COL4A4: variants seen among roughly 807,000 people sequenced by gnomAD.
The protein encoded by COL4A4 is collagen alpha-4(IV) chain.
In COL4A4, 105 loss-of-function variants were observed where a neutral mutation model predicts 192.9. The observed-to-expected ratio is 0.54, with a 90% CI of 0.46 to 0.64. The LOEUF is 0.64. Among genes scored for constraint, COL4A4 ranks in the 30% least tolerant of loss-of-function variants. The pLI is 0.00. For missense variants in COL4A4, 1,967 were observed against 2,169.3 expected, an observed-to-expected ratio of 0.91 and a Z score of 1.85; for synonymous variants, 762 against 769.9, an observed-to-expected ratio of 0.99 and a Z score of 0.17.
At chr2:227,140,777 G>T (rs1191091332) in intron 3 of COL4A4, among the ~76,000 whole-genome samples, 1 of 151,776 alleles carries the variant, frequency 6.6e-6, no homozygotes, top group Non-Finnish European at 1.5e-5. Context: ...CTCCAAGATG[G>T]TTTCTCTAAT....
chr2:227,029,579 C>T (rs1967805134), intron 41 of COL4A4, among the ~76,000 whole-genome samples: 1 of 152,154 alleles, frequency 6.6e-6, no homozygotes, highest in Non-Finnish European at 1.5e-5. Context: ...GCAAGGTGCT[C>T]GTTACTGGGC....
chr2:226,968,277 A>G, the COL4A4 span, among the ~76,000 whole-genome samples: 4 of 152,200 alleles, frequency 2.6e-5, no homozygotes, highest in African/African-American at 4.8e-5. Flanking sequence ...ATTAAGAGCT[A>G]TTATTGCAAG....
chr2:227,128,461 G>A (rs2062219429), intron 4 of COL4A4, among the ~76,000 whole-genome samples: 1 of 151,978 alleles, frequency 6.6e-6, no homozygotes, highest in Non-Finnish European at 1.5e-5. Flanking sequence ...CTGTTTTCTA[G>A]AAACTTTCTT....
intron 4 of COL4A4, among the ~76,000 whole-genome samples, chr2:227,131,965 C>T (rs2062503098): frequency 6.6e-6 from 1 of 152,174 alleles, no homozygotes; most frequent in South Asian, 2.1e-4. Flanking sequence ...GCAGTGCCAG[C>T]AGCTTGCTTT....
intron 45 of COL4A4, among the ~76,000 whole-genome samples, chr2:227,010,843 T>TAA (rs1963529461): frequency 6.6e-6 from 1 of 152,142 alleles, no homozygotes; most frequent in Non-Finnish European, 1.5e-5. Context: ...AGTTATGAAA[T>TAA]ACGCTGGGAA....
chr2:227,101,493 TCA>T lies in COL4A4; in HGVS notation c.1029+9_1029+10del. 6.2e-7 allele frequency: 1 copy of T among 1,602,330 alleles called. No homozygotes were observed. The highest frequency in any genetic ancestry group is 8.5e-7 in the Non-Finnish European group (1 of 1,172,966). ...TTTATCAGGATATATTAAAATAGGC[TCA>T]CTTTTTACCTTTGGGCCAATTAATC... On this transcript the variant is annotated intron_variant, in intron 17 of 47. Transcript: ENST00000396625.
chr2:227,145,538 A>G lies in COL4A4; in HGVS notation c.72-980T>C, dbSNP rs145121994. Among the ~76,000 whole-genome samples the G allele has an allele frequency of 4.1e-3, 620 of 152,314 alleles. 4 individuals are homozygous for G. The highest frequency in any genetic ancestry group is 0.014 in the African/African-American group (596 of 41,560). ...AGCTTCTGGATCCATCATCTTATTT[A>G]ACGCTTAAAACAGCTGTGGTTAGAA... On this transcript the variant is annotated intron_variant, in intron 2 of 47. Coordinates refer to ENST00000396625, the MANE Select transcript of COL4A4 (RefSeq NM_000092.5).
Position 227,050,062 on chromosome 2 carries a change from C to T in COL4A4, c.3214+6G>A, listed in dbSNP as rs372554120. 2.5e-5 allele frequency: 41 copies of T among 1,613,800 alleles called. No individual in the cohort carries two copies. The highest frequency in any genetic ancestry group is 3.4e-5 in the Non-Finnish European group (40 of 1,179,786). On this transcript the variant is annotated splice_donor_region_variant and intron_variant, in intron 34 of 47. Transcript: ENST00000396625. ...GACAGATGGCTTCTGTATCTCCAAA[C>T]CATACCTTTAGGTCCTCTTGCTCCA...
At chr2:226,979,704 C>T in the COL4A4 span, among the ~76,000 whole-genome samples, 3 of 152,314 alleles carry the variant, frequency 2.0e-5, no homozygotes, top group African/African-American at 7.2e-5. Flanking sequence ...CACATTGGGG[C>T]GCATCTTCCT....
intron 37 of COL4A4, among the ~76,000 whole-genome samples, chr2:227,040,838 A>T (rs1265955721): frequency 6.6e-6 from 1 of 152,162 alleles, no homozygotes; most frequent in Non-Finnish European, 1.5e-5. Context: ...CTCTGGGATT[A>T]CAGGTGTGAG....
intron 21 of COL4A4, among the ~76,000 whole-genome samples, chr2:227,089,142 T>G (rs1472718135): frequency 6.7e-6 from 1 of 150,304 alleles, no homozygotes; most frequent in Admixed American, 6.7e-5. Flanking sequence ...CTTTTTTATT[T>G]TTAAAAGTTT....
chr2:227,064,653 A>G (rs1174497690), intron 25 of COL4A4, among the ~76,000 whole-genome samples: 2 of 152,246 alleles, frequency 1.3e-5, no homozygotes, highest in African/African-American at 4.8e-5. Context: ...CAGGTAACTT[A>G]TAAATGAAAA....
At chr2:227,061,956 C>G (rs940327344) in intron 26 of COL4A4, among the ~76,000 whole-genome samples, 1 of 152,028 alleles carries the variant, frequency 6.6e-6, no homozygotes, top group Non-Finnish European at 1.5e-5. Context: ...TTAAAACTTT[C>G]AGGCTGGGTG....
At chr2:227,139,950 G>A (rs2063087909) in intron 4 of COL4A4, among the ~76,000 whole-genome samples, 3 of 152,152 alleles carry the variant, frequency 2.0e-5, no homozygotes, top group Admixed American at 2.0e-4. Context: ...ATAAAACAAT[G>A]GGTGAATCGC....
intron 1 of COL4A4, 129 bp from the exon 2 acceptor site, chr2:227,147,713 T>G (rs2063638543): frequency 2.2e-6 from 1 of 445,800 alleles, no homozygotes; most frequent in East Asian, 4.4e-5. Context: ...TTAGTGATGG[T>G]GAAACTGAAT....
At chr2:226,975,932 A>C in the COL4A4 span, among the ~76,000 whole-genome samples, 1 of 152,054 alleles carries the variant, frequency 6.6e-6, no homozygotes, top group East Asian at 1.9e-4. Context: ...AAGTGGCCCC[A>C]GGGTTGTTGT....
At chr2:227,023,509 C>T (rs1158559731) in intron 43 of COL4A4, among the ~76,000 whole-genome samples, 1 of 146,922 alleles carries the variant, frequency 6.8e-6, no homozygotes, top group African/African-American at 2.7e-5. Flanking sequence ...TTTACTTTCA[C>T]ATCATTAAGA....
rs1271744026 is a variant in COL4A4 at position 227,125,524 on chromosome 2, G to C, written c.193-4376C>G. ...GCACCCTGCCCATATAAAATACTTCGGGAGGAAAAAAAAAAAGTAAAGCAG... is the reference window on the plus strand; with the variant it reads ...GCACCCTGCCCATATAAAATACTTCCGGAGGAAAAAAAAAAAGTAAAGCAG... On this transcript the variant is annotated intron_variant, in intron 4 of 47. Transcript: ENST00000396625. Among the ~76,000 whole-genome samples the C allele has an allele frequency of 2.6e-5, 4 of 151,038 alleles. No individual in the cohort carries two copies. The East Asian group carries it at 7.8e-4, about 29-fold the overall frequency.
chr2:227,090,368 C>T (rs35687319), intron 20 of COL4A4, among the ~76,000 whole-genome samples: 25,355 of 152,176 alleles, frequency 0.17, 2,734 homozygotes, highest in African/African-American at 0.31. Context: ...AATAAAATTT[C>T]AGAGATGTCA....
Sources: allele counts gnomAD v4.1 joint callset (sites outside exome capture counted in the v4.1 genomes callset), GRCh38; gene constraint gnomAD v4.1.1; transcripts MANE v1.5; gene names NCBI Gene and HGNC (gene_info 2026-07-23, HGNC 2026-07-21).